Variants in RTL4 observed in about 807,000 individuals in gnomAD.
RTL4 encodes the protein retrotransposon Gag like 4.
RTL4 carries 4 observed loss-of-function variants against 5.3 expected under a neutral mutation model. That is an observed-to-expected ratio of 0.75 (90% CI 0.37 to 1.72). The LOEUF (loss-of-function observed/expected upper bound fraction) is 1.72, where lower values mean the gene tolerates loss of function less well. Among genes scored for constraint, RTL4 ranks in the 40% most tolerant of loss-of-function variants. The pLI, the probability that RTL4 is intolerant of heterozygous loss-of-function variation, is 0.04. For synonymous variants in RTL4, 98 were observed against 87.3 expected (o/e 1.12, Z -0.68); for missense variants, 260 against 227.1 (o/e 1.14, Z -0.93).
At chrX:112,083,116 C>T in the RTL4 span, among the ~76,000 whole-genome samples, 4 of 111,331 alleles carry the variant, frequency 3.6e-5, no homozygotes, top group Non-Finnish European at 7.6e-5. Context: ...TCTCCCCCCT[C>T]GGTACGGAAT....
chrX:112,370,369 C>T, the RTL4 span, among the ~76,000 whole-genome samples: 19 of 111,096 alleles, frequency 1.7e-4, no homozygotes, highest in African/African-American at 4.6e-4. Flanking sequence ...ATTCCTCTCA[C>T]GGTAACAACA....
the RTL4 span, chrX:112,319,877 CAT>C: frequency 8.9e-6 from 1 of 112,016 alleles, no homozygotes; most frequent in Non-Finnish European, 1.9e-5. Context: ...ATCATTACAA[CAT>C]GTGGTGTTTT....
At chrX:112,228,027 CTG>C in the RTL4 span, among the ~76,000 whole-genome samples, 2 of 111,350 alleles carry the variant, frequency 1.8e-5, no homozygotes, top group East Asian at 5.7e-4. Flanking sequence ...CACTGAAAAA[CTG>C]TAGATAAAGG....
chrX:112,232,309 A>T, the RTL4 span, among the ~76,000 whole-genome samples: 16 of 112,248 alleles, frequency 1.4e-4, no homozygotes, highest in African/African-American at 4.5e-4. Flanking sequence ...CTCCATATGT[A>T]AAGTTGTAAT....
the RTL4 span, among the ~76,000 whole-genome samples, chrX:112,336,119 A>G: frequency 9.0e-6 from 1 of 111,553 alleles, no homozygotes; most frequent in Non-Finnish European, 1.9e-5. Context: ...TAATTGCATT[A>G]AGGTTTTCCT....
chrX:112,431,255 G>GA, the RTL4 span, among the ~76,000 whole-genome samples: 50,725 of 105,596 alleles, frequency 0.48, 9,677 homozygotes, highest in African/African-American at 0.64. Context: ...AGGCTCTGGT[G>GA]AAAAAAAAAA....
chrX:112,217,283 G>A, the RTL4 span, among the ~76,000 whole-genome samples: 6 of 111,731 alleles, frequency 5.4e-5, no homozygotes, highest in Admixed American at 3.8e-4. Context: ...CTTTGAGAAT[G>A]CCCCAAATCA....
chrX:112,123,979 C>T, the RTL4 span, among the ~76,000 whole-genome samples: 1 of 109,364 alleles, frequency 9.1e-6, no homozygotes, highest in South Asian at 3.9e-4. Flanking sequence ...GGACCTTAAA[C>T]AAATTTACAA....
At chrX:112,434,033 A>G in the RTL4 span, among the ~76,000 whole-genome samples, 6 of 97,801 alleles carry the variant, frequency 6.1e-5, no homozygotes, top group South Asian at 1.0e-3. Context: ...GCTGGATTAC[A>G]TTTATTGATT....
chrX:112,146,524 A>G, the RTL4 span, among the ~76,000 whole-genome samples: 1 of 111,086 alleles, frequency 9.0e-6, no homozygotes. Flanking sequence ...TGAGTTAGAC[A>G]GTTAGCATAG....
the RTL4 span, among the ~76,000 whole-genome samples, chrX:112,189,815 A>G: frequency 9.0e-5 from 10 of 111,706 alleles, no homozygotes; most frequent in African/African-American, 9.7e-5. Context: ...AAATGCTGTG[A>G]TGAACAATGT....
At chrX:112,271,161 T>C in the RTL4 span, among the ~76,000 whole-genome samples, 1 of 110,635 alleles carries the variant, frequency 9.0e-6, no homozygotes, top group Non-Finnish European at 1.9e-5. Context: ...AATACTCTGA[T>C]GGGATTAAGG....
the RTL4 span, among the ~76,000 whole-genome samples, chrX:112,170,988 C>T: frequency 2.7e-5 from 3 of 111,391 alleles, no homozygotes; most frequent in East Asian, 2.8e-4. Flanking sequence ...GCCACTTTTG[C>T]GTCTATTGAG....
the RTL4 span, among the ~76,000 whole-genome samples, chrX:112,340,874 G>A: frequency 9.1e-6 from 1 of 109,953 alleles, no homozygotes; most frequent in Non-Finnish European, 1.9e-5. Flanking sequence ...GCACCACCAC[G>A]CCCAGCTAAT....
chrX:112,158,447 C>CATAATACATATATATATATGATATATAT, the RTL4 span, among the ~76,000 whole-genome samples: 1 of 108,342 alleles, frequency 9.2e-6, no homozygotes, highest in Non-Finnish European at 1.9e-5. Context: ...TTCATATATA[C>CATAATACATATATATATATGATATATAT]ATAATACATA....
At chrX:112,385,307 A>G in the RTL4 span, among the ~76,000 whole-genome samples, 6 of 110,730 alleles carry the variant, frequency 5.4e-5, no homozygotes, top group African/African-American at 2.0e-4. Context: ...TTTATTCTAG[A>G]AGTTTTATAG....
chrX:112,244,337 C>T, the RTL4 span, among the ~76,000 whole-genome samples: 1 of 110,996 alleles, frequency 9.0e-6, no homozygotes, highest in Non-Finnish European at 1.9e-5. Flanking sequence ...GTCTAAGTCT[C>T]TGTAGGTCTC....
At chrX:112,198,560 C>T in the RTL4 span, among the ~76,000 whole-genome samples, 79 of 111,809 alleles carry the variant, frequency 7.1e-4, no homozygotes, top group African/African-American at 2.5e-3. Flanking sequence ...AAAGATCATT[C>T]ATGTCCTTTT....
chrX:112,179,467 G>C, the RTL4 span, among the ~76,000 whole-genome samples: 4 of 111,740 alleles, frequency 3.6e-5, no homozygotes, highest in Admixed American at 3.8e-4. Context: ...ATGTTGGGTC[G>C]GTTCACCAAG....
Sources: gnomAD v4.1 joint callset for allele counts (sites outside exome capture counted in the v4.1 genomes callset) on GRCh38, gnomAD v4.1.1 for gene constraint, MANE v1.5 for transcripts, NCBI Gene and HGNC (gene_info 2026-07-23, HGNC 2026-07-21) for gene names.